Variants in NLRP10 observed in about 807,000 individuals in gnomAD.
NLRP10 encodes NLR family pyrin domain containing 10.
In NLRP10, 7 loss-of-function variants were observed where a neutral mutation model predicts 8.2. That is an observed-to-expected ratio of 0.85 (90% CI 0.48 to 1.60). The LOEUF is 1.60. Among genes scored for constraint, NLRP10 ranks in the 40% most tolerant of loss-of-function variants. The pLI is 0.00. For missense variants in NLRP10, 814 were observed against 776.3 expected (o/e 1.05, Z -0.58); for synonymous variants, 338 against 314.0 (o/e 1.08, Z -0.81).
At chr11:7,962,976 G>A (rs1037342820) in intron 2 of NLRP10, among the ~76,000 whole-genome samples, 1 of 152,162 alleles carries the variant, frequency 6.6e-6, no homozygotes, top group Admixed American at 6.5e-5. Context: ...GTAAGATGTG[G>A]GGAAGAAAGG....
chr11:7,961,552 G>C (rs1417556741), intron 2 of NLRP10, among the ~76,000 whole-genome samples: 1 of 152,164 alleles, frequency 6.6e-6, no homozygotes, highest in Non-Finnish European at 1.5e-5. Flanking sequence ...GGTGTGCTCT[G>C]TGTGTGTGGA....
At position 7,960,770 on chromosome 11, in the gene NLRP10, T is replaced by C. The variant is rs1317949573; in HGVS notation, c.842A>G (p.His281Arg). The change falls in exon 3 of 3, where the codon CAT becomes CGT. Residue 281 changes from histidine to arginine, a missense_variant. Physicochemically the swap from His to Arg is conservative, Grantham distance 29 (BLOSUM62 0). Transcript: ENST00000691676. ...ESLLHLLIRR[H>R]TLPTCSLLIT... ...GAGAAGGGAGCACGTGGGGAGTGTA[T>C]GTCTCCTAATTAGAAGGTGCAGCAG... 1 of 1,613,906 alleles carries C rather than the reference T, an allele frequency of 6.2e-7. No individual in the cohort carries two copies. The highest frequency in any genetic ancestry group is 8.5e-7 in the Non-Finnish European group (1 of 1,180,026).
At chr11:7,961,707 T>G (rs549191774) in intron 2 of NLRP10, among the ~76,000 whole-genome samples, 1 of 152,292 alleles carries the variant, frequency 6.6e-6, no homozygotes, top group South Asian at 2.1e-4. Context: ...AATGCATGAA[T>G]GTCTGAGTGT....
Position 7,960,663 on chromosome 11 carries a change from C to CA in NLRP10, c.948dup (p.Glu317Ter). The CA allele has an allele frequency of 6.2e-7, 1 of 1,614,172 alleles. No homozygotes were observed. The highest frequency in any genetic ancestry group is 8.5e-7 in the Non-Finnish European group (1 of 1,180,042). ...CTGAAGTACCTCGCCCTCTCCTCCT[C>CA]AGAGAAGCCTAGGATATGGACATGA... is the stretch of plus-strand genomic sequence containing the variant. On this transcript the variant is annotated frameshift_variant, in exon 3 of 3. Coordinates refer to ENST00000691676, the MANE Select transcript of NLRP10 (RefSeq NM_001391958.1). LOFTEE classifies it low-confidence loss of function (END_TRUNC).
chr11:7,963,169 T>C, intron 2 of NLRP10, 38 bp downstream of exon 2: 2 of 1,585,176 alleles, frequency 1.3e-6, no homozygotes, highest in Non-Finnish European at 1.7e-6. Flanking sequence ...GGAGTCCCAG[T>C]GCCATCCTGC....
At position 7,960,634 on chromosome 11, in the gene NLRP10, G is replaced by T; in HGVS notation, c.978C>A (p.Ser326=). 6.2e-7 allele frequency: 1 copy of T among 1,614,206 alleles called. No individual in the cohort carries two copies. Among genetic ancestry groups the T allele is most frequent in the Non-Finnish European group, 8.5e-7 (1 of 1,180,038 alleles). ...SEEERARYFS[S]YFTDEKQADR... is the part of the protein sequence containing the mutation. ...CAGCTTGCTTCTCATCCGTGAAATAGGAGCTGAAGTACCTCGCCCTCTCCT... is the reference window on the plus strand; with the variant it reads ...CAGCTTGCTTCTCATCCGTGAAATATGAGCTGAAGTACCTCGCCCTCTCCT... The change falls in exon 3 of 3, where the codon TCC becomes TCA. Residue 326 remains serine (S), a synonymous_variant. Coordinates refer to ENST00000691676, the MANE Select transcript of NLRP10 (RefSeq NM_001391958.1).
intron 1 of NLRP10, among the ~76,000 whole-genome samples, chr11:7,964,858 A>T (rs1941794249): frequency 6.6e-6 from 1 of 152,252 alleles, no homozygotes; most frequent in Non-Finnish European, 1.5e-5. Context: ...AAGCCTTCAG[A>T]ATCCAGAAAT....
chr11:7,963,624 G>A, intron 1 of NLRP10, 84 bp from the exon 2 acceptor site: 1 of 716,198 alleles, frequency 1.4e-6, no homozygotes, highest in Non-Finnish European at 2.3e-6. Context: ...TAGAGCGGAG[G>A]CCAGGGAGAG....
chr11:7,963,109 A>G, intron 2 of NLRP10, 98 bp downstream of exon 2: 3 of 1,190,160 alleles, frequency 2.5e-6, no homozygotes, highest in Non-Finnish European at 3.6e-6. Flanking sequence ...AGGTGACAGA[A>G]GGCATAAGGT....
chr11:7,958,056 A>C lies in NLRP10; in HGVS notation c.*1588T>G, dbSNP rs1023899429. ...CTTTTCATGTCTTAATTGCTCATTT[A>C]TTTTTATCACTGAATACTATTACAT... On this transcript the variant is annotated 3_prime_UTR_variant, in exon 3 of 3. Transcript: ENST00000691676. Among the ~76,000 whole-genome samples, 2 of 152,078 alleles carry C rather than the reference A, an allele frequency of 1.3e-5. No homozygotes were observed. The highest frequency in any genetic ancestry group is 2.9e-5 in the Non-Finnish European group (2 of 68,014).
Position 7,963,451 on chromosome 11 carries a change from C to G in NLRP10, c.45G>C (p.Trp15Cys), listed in dbSNP as rs1941767715. 6.2e-7 allele frequency: 1 copy of G among 1,613,930 alleles called. No homozygotes were observed. Among genetic ancestry groups the G allele is most frequent in the African/African-American group, 1.3e-5 (1 of 74,916 alleles). ...CGTTCTCCTCAAGGTCACTCAAGGC[C>G]CAGAGCAATGCCTCCCGGGGCTTTC... is the stretch of plus-strand genomic sequence containing the variant. ...KARKPREALLWALSDLEENDF... is the reference protein window; with the variant it reads ...KARKPREALLCALSDLEENDF... Residue 15 changes from tryptophan to cysteine, a missense_variant, in exon 2 of 3, where the codon TGG becomes TGC. Coordinates refer to ENST00000691676, the MANE Select transcript of NLRP10 (RefSeq NM_001391958.1).
intron 2 of NLRP10, among the ~76,000 whole-genome samples, chr11:7,962,231 C>CTTTTTCTT (rs1941743958): frequency 1.5e-5 from 1 of 66,994 alleles, no homozygotes; most frequent in Non-Finnish European, 2.6e-5. Flanking sequence ...TAAGCCTGTT[C>CTTTTTCTT]TTTTTTTTTT....
chr11:7,961,998 G>A (rs1157378218), intron 2 of NLRP10, among the ~76,000 whole-genome samples: 2 of 151,864 alleles, frequency 1.3e-5, no homozygotes, highest in Non-Finnish European at 2.9e-5. Context: ...TAAAGAGCCT[G>A]GCACCTCCTC....
Position 7,961,103 on chromosome 11 carries a change from A to C in NLRP10, c.509T>G (p.Val170Gly). The C allele has an allele frequency of 6.2e-7, 1 of 1,614,058 alleles. No homozygotes were observed. Among genetic ancestry groups the C allele is most frequent in the Non-Finnish European group, 8.5e-7 (1 of 1,179,990 alleles). Residue 170 changes from valine to glycine, a missense_variant, in exon 3 of 3, where the codon GTG (valine) becomes GGG (glycine). By Grantham distance (109) the Val-to-Gly change is moderately radical. Coordinates refer to ENST00000691676, the MANE Select transcript of NLRP10 (RefSeq NM_001391958.1). Reference sequence around the variant, plus strand: ...TCCAGTGCCAGCCGACCCCTGTAGCACAACTAAGGATGGGGCCAGTGAGGG... The same window carrying C: ...TCCAGTGCCAGCCGACCCCTGTAGCCCAACTAAGGATGGGGCCAGTGAGGG... ...EKPSLAPSLV[V>G]LQGSAGTGKT... is the part of the protein sequence containing the mutation.
At chr11:7,964,859 A>C (rs1047734101) in intron 1 of NLRP10, among the ~76,000 whole-genome samples, 4 of 152,260 alleles carry the variant, frequency 2.6e-5, no homozygotes, top group African/African-American at 9.6e-5. Context: ...AGCCTTCAGA[A>C]TCCAGAAATA....
rs1314617542 is a variant in NLRP10, at chr11:7,960,155, C to T, written c.1457G>A (p.Arg486Gln). 4 of 1,613,882 alleles carry T rather than the reference C, an allele frequency of 2.5e-6. No homozygotes were observed. Among genetic ancestry groups the T allele is most frequent in the South Asian group, 2.2e-5 (2 of 91,088 alleles). The stretch of plus-strand genomic sequence containing the variant: ...TTCTCTGCGGGACTCCTTCCCCAGC[C>T]GGCTTTGGTCCTCTTTCACCAGGTA... Reference protein sequence around the residue: ...MSYLVKEDQSRLGKESRREVQ... With the variant: ...MSYLVKEDQSQLGKESRREVQ... The change falls in exon 3 of 3, where the codon CGG (arginine) becomes CAG (glutamine). Residue 486 changes from arginine (R) to glutamine (Q), a missense_variant. Arg to Gln is a conservative substitution (Grantham distance 43). Transcript: ENST00000691676.
chr11:7,960,887 T>C lies in NLRP10; in HGVS notation c.725A>G (p.Glu242Gly), dbSNP rs562183017. 3 of 1,614,166 alleles carry C rather than the reference T, an allele frequency of 1.9e-6. No individual in the cohort carries two copies. The African/African-American group carries it at 4.0e-5, about 22-fold the overall frequency. Reference protein sequence around the residue: ...APVTEILRQPERLLFILDGFD... With the variant: ...APVTEILRQPGRLLFILDGFD... ...GCCATCCAGGATGAACAGGAGCCGC[T>C]CTGGCTGCCTCAGAATCTCTGTGAC... Residue 242 changes from glutamate (E) to glycine (G), a missense_variant, in exon 3 of 3, where the codon GAG (glutamate) becomes GGG (glycine). Physicochemically the swap from Glu to Gly is moderately conservative, Grantham distance 98. Transcript: ENST00000691676.
At chr11:7,963,586 C>T in intron 1 of NLRP10, 46 bp from the exon 2 acceptor site, 3 of 1,238,446 alleles carry the variant, frequency 2.4e-6, no homozygotes, top group Non-Finnish European at 3.3e-6. Context: ...AGAGGCCCAC[C>T]CTGCTTTCTG....
At chr11:7,961,439 T>C (rs1419074282) in intron 2 of NLRP10, 117 bp from the exon 3 acceptor site, 1 of 704,938 alleles carries the variant, frequency 1.4e-6, no homozygotes, top group Non-Finnish European at 2.4e-6. Context: ...TGGATCTTGC[T>C]GAGATTATAG....
Sources: gnomAD v4.1 joint callset for allele counts (sites outside exome capture counted in the v4.1 genomes callset) on GRCh38, gnomAD v4.1.1 for gene constraint, MANE v1.5 for transcripts, NCBI Gene and HGNC (gene_info 2026-07-23, HGNC 2026-07-21) for gene names.